Variants in GPC5 observed in about 807,000 individuals in gnomAD.
GPC5 encodes the protein glypican-5.
In GPC5, 47 loss-of-function variants were observed where a neutral mutation model predicts 53.9. That is an observed-to-expected ratio of 0.87 (90% CI 0.69 to 1.11). The LOEUF (loss-of-function observed/expected upper bound fraction) is 1.11, where lower values mean the gene tolerates loss of function less well. GPC5 is among the 50% of genes most tolerant of loss of function. The probability of loss-of-function intolerance (pLI) is 0.00; values close to 1 mark genes in which losing one functional copy is unlikely to be tolerated. For missense variants in GPC5, 748 were observed against 713.1 expected, an observed-to-expected ratio of 1.05 and a Z score of -0.56; for synonymous variants, 286 against 263.3, an observed-to-expected ratio of 1.09 and a Z score of -0.84.
In GPC5 at chr13:91,830,824, A is replaced by G. The variant is rs560207610; in HGVS notation, c.1280+74404A>G. Among the ~76,000 whole-genome samples, 741 of 137,064 alleles carry G rather than the reference A, an allele frequency of 5.4e-3. 9 individuals carry two copies. Among genetic ancestry groups the G allele is most frequent in the African/African-American group, 0.019 (714 of 36,918 alleles). The allele number at this position is 137,064 out of a possible 152,430, so 89.9% of individuals were successfully genotyped here. On this transcript the variant is annotated intron_variant, in intron 5 of 7. Transcript: ENST00000377067. Reference sequence around the variant, plus strand: ...ATATAATATATATCCTATTATATATAATATATATCCTATTATATATAATAT... The same window carrying G: ...ATATAATATATATCCTATTATATATGATATATATCCTATTATATATAATAT...
intron 2 of GPC5, among the ~76,000 whole-genome samples, chr13:91,500,985 T>A (rs1884593778): frequency 6.6e-6 from 1 of 152,156 alleles, no homozygotes; most frequent in South Asian, 2.1e-4. Flanking sequence ...AAGATGTGCC[T>A]TTCACCTTCT....
intron 7 of GPC5, among the ~76,000 whole-genome samples, chr13:92,786,883 C>T (rs1357884993): frequency 6.6e-6 from 1 of 152,114 alleles, no homozygotes; most frequent in Non-Finnish European, 1.5e-5. Context: ...GAGCCAGATA[C>T]ACCGCATTCC....
chr13:91,979,700 T>C (rs944100635), intron 6 of GPC5, among the ~76,000 whole-genome samples: 5 of 152,338 alleles, frequency 3.3e-5, no homozygotes, highest in African/African-American at 1.2e-4. Context: ...GGTTAAAACA[T>C]ATGTCAGCCC....
chr13:91,475,418 GA>G (rs1486265276), intron 2 of GPC5, among the ~76,000 whole-genome samples: 1 of 152,164 alleles, frequency 6.6e-6, no homozygotes, highest in Non-Finnish European at 1.5e-5. Context: ...TCTTAGTGTG[GA>G]AAAAATTGTG....
intron 7 of GPC5, among the ~76,000 whole-genome samples, chr13:92,636,868 C>T (rs1885422606): frequency 6.6e-6 from 1 of 152,136 alleles, no homozygotes; most frequent in Admixed American, 6.5e-5. Flanking sequence ...AACTCATTAT[C>T]CTTCTTCCAT....
At chr13:92,529,830 C>T (rs1881490829) in intron 7 of GPC5, among the ~76,000 whole-genome samples, 1 of 152,122 alleles carries the variant, frequency 6.6e-6, no homozygotes, top group Admixed American at 6.6e-5. Context: ...CAGCTGTAAT[C>T]ACAGCAGTTT....
intron 7 of GPC5, among the ~76,000 whole-genome samples, chr13:92,761,316 C>T (rs1490053295): frequency 1.3e-5 from 2 of 152,128 alleles, no homozygotes; most frequent in Non-Finnish European, 2.9e-5. Flanking sequence ...TATAGGAATG[C>T]CCCTCTGTGC....
At chr13:91,969,281 TTTAAG>T (rs1347798595) in intron 6 of GPC5, among the ~76,000 whole-genome samples, 3 of 152,182 alleles carry the variant, frequency 2.0e-5, no homozygotes, top group Non-Finnish European at 2.9e-5. Flanking sequence ...TTTCTTATAC[TTTAAG>T]TTATTTCTTT....
At chr13:92,381,612 A>G (rs1011094642) in intron 7 of GPC5, among the ~76,000 whole-genome samples, 4 of 152,004 alleles carry the variant, frequency 2.6e-5, no homozygotes, top group Non-Finnish European at 2.9e-5. Context: ...AAGAACTAAA[A>G]GTAGAACTAC....
At chr13:92,544,712 C>CT (rs1316657014) in intron 7 of GPC5, among the ~76,000 whole-genome samples, 1 of 151,658 alleles carries the variant, frequency 6.6e-6, no homozygotes, top group East Asian at 1.9e-4. Flanking sequence ...TTTATTTCTT[C>CT]TTTTTTTGGT....
chr13:92,196,463 T>G (rs1156376781), intron 7 of GPC5, among the ~76,000 whole-genome samples: 1 of 152,202 alleles, frequency 6.6e-6, no homozygotes, highest in Non-Finnish European at 1.5e-5. Context: ...TTTCATTAGC[T>G]TTTTATTGTT....
chr13:91,480,814 A>T (rs1330305467), intron 2 of GPC5, among the ~76,000 whole-genome samples: 1 of 151,964 alleles, frequency 6.6e-6, no homozygotes, highest in Non-Finnish European at 1.5e-5. Flanking sequence ...AGGCAACCTT[A>T]TTTTTCCTTG....
intron 5 of GPC5, among the ~76,000 whole-genome samples, chr13:91,851,893 T>C (rs1162478993): frequency 6.8e-6 from 1 of 146,952 alleles, no homozygotes; most frequent in African/African-American, 2.6e-5. Flanking sequence ...CTTAATCCAG[T>C]CTATCATTGT....
intron 7 of GPC5, among the ~76,000 whole-genome samples, chr13:92,694,733 T>C (rs550224387): frequency 6.6e-6 from 1 of 152,292 alleles, no homozygotes; most frequent in East Asian, 1.9e-4. Context: ...TTTGGGTTAA[T>C]GCTGCAGTGA....
chr13:91,441,240 C>T (rs1040640248), intron 1 of GPC5, among the ~76,000 whole-genome samples: 3 of 152,166 alleles, frequency 2.0e-5, no homozygotes, highest in Non-Finnish European at 2.9e-5. Context: ...GCAAGTCAGA[C>T]CCTTTTTGTT....
intron 7 of GPC5, among the ~76,000 whole-genome samples, chr13:92,853,739 G>A (rs1024939082): frequency 2.6e-5 from 4 of 152,064 alleles, no homozygotes; most frequent in African/African-American, 9.7e-5. Context: ...TTCAAATAAT[G>A]AGACTTTCAG....
chr13:92,355,589 C>G (rs770041368), intron 7 of GPC5, among the ~76,000 whole-genome samples: 2 of 152,140 alleles, frequency 1.3e-5, no homozygotes, highest in African/African-American at 2.4e-5. Flanking sequence ...GATTTTGATA[C>G]CTGCCTTGCT....
intron 7 of GPC5, among the ~76,000 whole-genome samples, chr13:92,222,378 A>G (rs887068207): frequency 6.6e-6 from 1 of 152,196 alleles, no homozygotes; most frequent in Admixed American, 6.5e-5. Flanking sequence ...AAACACAGAG[A>G]TGCACATAAA....
At chr13:91,442,779 T>G (rs922344429) in intron 1 of GPC5, among the ~76,000 whole-genome samples, 2 of 152,246 alleles carry the variant, frequency 1.3e-5, no homozygotes, top group Admixed American at 6.5e-5. Flanking sequence ...TCTGGTTGTC[T>G]CTGTGATTTT....
Sources: allele counts gnomAD v4.1 joint callset (sites outside exome capture counted in the v4.1 genomes callset), GRCh38; gene constraint gnomAD v4.1.1; transcripts MANE v1.5; gene names NCBI Gene and HGNC (gene_info 2026-07-23, HGNC 2026-07-21).